The following CCSER1 variants were observed in gnomAD, a reference collection of about 807,000 sequenced individuals.
CCSER1 encodes coiled-coil serine rich protein 1, also known as serine-rich coiled-coil domain-containing protein 1.
CCSER1 carries 41 observed loss-of-function variants against 82.0 expected under a neutral mutation model. That is an observed-to-expected ratio of 0.50 (90% confidence interval 0.39 to 0.65). The LOEUF (loss-of-function observed/expected upper bound fraction) is 0.65. Among genes scored for constraint, CCSER1 ranks in the 30% least tolerant of loss-of-function variants. The probability of loss-of-function intolerance (pLI) is 0.00; values close to 1 mark genes in which losing one functional copy is unlikely to be tolerated. For synonymous variants in CCSER1, 414 were observed against 383.9 expected (o/e 1.08, Z -0.92); for missense variants, 1,119 against 1,064.2 (o/e 1.05, Z -0.72).
In CCSER1 at chr4:91,287,849, A is replaced by G. The variant is rs551297216; in HGVS notation, c.2217+201855A>G. Reference sequence around the variant, plus strand: ...GGGAAAGGCACAAAGGAAAAATGCAATATGTGTTATAATCCTGTGGAAGGC... The same window carrying G: ...GGGAAAGGCACAAAGGAAAAATGCAGTATGTGTTATAATCCTGTGGAAGGC... On this transcript the variant is annotated intron_variant, in intron 10 of 10. Transcript: ENST00000509176. Among the ~76,000 whole-genome samples the G allele has an allele frequency of 7.0e-4, 107 of 151,956 alleles. 1 individual carries two copies. The South Asian group carries it at 0.015, about 22-fold the overall frequency.
intron 4 of CCSER1, among the ~76,000 whole-genome samples, chr4:90,455,861 C>T (rs536055501): frequency 9.8e-5 from 15 of 152,286 alleles, no homozygotes; most frequent in African/African-American, 2.2e-4. Context: ...TGCTCACCTG[C>T]GCCGTGCCCC....
intron 10 of CCSER1, among the ~76,000 whole-genome samples, chr4:91,320,079 G>A (rs1578187539): frequency 6.6e-6 from 1 of 152,094 alleles, no homozygotes; most frequent in South Asian, 2.1e-4. Context: ...AGCTGTCTTG[G>A]TTATCAGATC....
At chr4:90,350,311 A>G (rs1422243800) in intron 3 of CCSER1, among the ~76,000 whole-genome samples, 2 of 152,080 alleles carry the variant, frequency 1.3e-5, no homozygotes, top group African/African-American at 4.8e-5. Context: ...TCATGGGAAA[A>G]TTTTTGGAAT....
At chr4:90,526,475 G>A (rs1346421809) in intron 5 of CCSER1, among the ~76,000 whole-genome samples, 1 of 151,726 alleles carries the variant, frequency 6.6e-6, no homozygotes. Flanking sequence ...AGGTATACAC[G>A]TGCCATGGTG....
intron 1 of CCSER1, among the ~76,000 whole-genome samples, chr4:90,205,035 C>T (rs549610640): frequency 2.0e-5 from 3 of 152,090 alleles, no homozygotes; most frequent in East Asian, 1.9e-4. Flanking sequence ...GATTTTCACA[C>T]GTTGATTTTG....
intron 9 of CCSER1, among the ~76,000 whole-genome samples, chr4:90,953,223 C>G (rs560346653): frequency 6.6e-6 from 1 of 151,772 alleles, no homozygotes; most frequent in African/African-American, 2.4e-5. Context: ...TGGCAAAGTT[C>G]TGATATAAAT....
chr4:91,105,864 G>T (rs1256185000), intron 10 of CCSER1, among the ~76,000 whole-genome samples: 2 of 152,018 alleles, frequency 1.3e-5, no homozygotes, highest in Non-Finnish European at 2.9e-5. Flanking sequence ...TAAACTAAAA[G>T]ACCTACTTAC....
chr4:90,996,541 A>T (rs17017922), intron 9 of CCSER1, among the ~76,000 whole-genome samples: 13,332 of 152,148 alleles, frequency 0.088, 741 homozygotes, highest in Admixed American at 0.16. Context: ...ATTCTAATTG[A>T]TTAGCTGAGG....
intron 6 of CCSER1, among the ~76,000 whole-genome samples, chr4:90,671,131 A>G (rs1732717054): frequency 6.6e-6 from 1 of 152,066 alleles, no homozygotes; most frequent in Admixed American, 6.6e-5. Context: ...CTTTTTACTG[A>G]TGGAGAGTCT....
chr4:90,243,080 T>TA (rs1560864481), intron 1 of CCSER1, among the ~76,000 whole-genome samples: 61 of 143,078 alleles, frequency 4.3e-4, no homozygotes, highest in African/African-American at 4.1e-4. Flanking sequence ...TTTTTTTTTT[T>TA]TAAAATAGGA....
chr4:90,605,151 C>T (rs1372471232), intron 5 of CCSER1, among the ~76,000 whole-genome samples: 2 of 152,138 alleles, frequency 1.3e-5, no homozygotes, highest in Non-Finnish European at 2.9e-5. Flanking sequence ...CCACGAACCC[C>T]CCAGAAGGAA....
chr4:90,958,425 C>T (rs1258779211), intron 9 of CCSER1, among the ~76,000 whole-genome samples: 1 of 152,154 alleles, frequency 6.6e-6, no homozygotes, highest in Non-Finnish European at 1.5e-5. Flanking sequence ...TCCCTGCATA[C>T]CTCTTGGGTA....
chr4:91,005,574 TA>T (rs1182505028), intron 9 of CCSER1, among the ~76,000 whole-genome samples: 3 of 152,268 alleles, frequency 2.0e-5, no homozygotes, highest in South Asian at 2.1e-4. Flanking sequence ...ACCACCTTAT[TA>T]AAAAATGTTT....
chr4:91,088,832 T>C (rs1723646084), intron 10 of CCSER1, among the ~76,000 whole-genome samples: 1 of 152,182 alleles, frequency 6.6e-6, no homozygotes, highest in African/African-American at 2.4e-5. Flanking sequence ...TGAAATTCAC[T>C]GGGTAAGACA....
chr4:91,137,281 G>A (rs1203619678), intron 10 of CCSER1, among the ~76,000 whole-genome samples: 21 of 86,874 alleles, frequency 2.4e-4, no homozygotes, highest in African/African-American at 7.5e-4. Context: ...TTGTTCTTGC[G>A]ATAGTTTACT....
chr4:90,552,755 C>G (rs1030564397), intron 5 of CCSER1, among the ~76,000 whole-genome samples: 4 of 152,138 alleles, frequency 2.6e-5, no homozygotes, highest in African/African-American at 9.7e-5. Flanking sequence ...CTGCGCACAG[C>G]CCACAATTAA....
intron 7 of CCSER1, among the ~76,000 whole-genome samples, chr4:90,809,055 T>G (rs1390501400): frequency 6.6e-6 from 1 of 152,132 alleles, no homozygotes. Context: ...CGGTGGCTGA[T>G]GTCCGTAATC....
chr4:91,529,918 T>A (rs1401450444), intron 10 of CCSER1, among the ~76,000 whole-genome samples: 1 of 152,252 alleles, frequency 6.6e-6, no homozygotes, highest in Admixed American at 6.5e-5. Flanking sequence ...GAATGTATAT[T>A]ACATATTTTC....
At chr4:90,358,864 T>C (rs1002661220) in intron 3 of CCSER1, among the ~76,000 whole-genome samples, 4 of 152,198 alleles carry the variant, frequency 2.6e-5, no homozygotes, top group African/African-American at 9.7e-5. Context: ...AAATATTCAT[T>C]CATTACTTTA....
Sources: allele counts gnomAD v4.1 joint callset (sites outside exome capture counted in the v4.1 genomes callset), GRCh38; gene constraint gnomAD v4.1.1; transcripts MANE v1.5; gene names NCBI Gene and HGNC (gene_info 2026-07-23, HGNC 2026-07-21).